The following DOK3 variants were observed in gnomAD, a reference collection of about 807,000 sequenced individuals.
DOK3 encodes Dok-like protein.
A neutral mutation model predicts 26.2 loss-of-function variants in DOK3; 23 were observed. That is an observed-to-expected ratio of 0.88 (90% CI 0.63 to 1.24). The LOEUF is 1.24. DOK3 is among the 50% of genes most tolerant of loss of function. The probability of loss-of-function intolerance (pLI) is 0.00; values close to 1 mark genes in which losing one functional copy is unlikely to be tolerated. For missense variants in DOK3, 619 were observed against 610.6 expected (o/e 1.01, Z -0.15); for synonymous variants, 268 against 268.2 (o/e 1.00, Z 0.01).
chr5:177,503,881 G>C lies in DOK3; in HGVS notation c.*102C>G. ...TGCCTTGTTCCTGCAGGCCAGGGTG[G>C]ACACAGGCGTGTGTCTGCATGGGCC... On this transcript the variant is annotated 3_prime_UTR_variant, in exon 6 of 6. Coordinates refer to ENST00000510898, the MANE Select transcript of DOK3 (RefSeq NM_001308236.3). 1.4e-6 allele frequency: 2 copies of C among 1,442,318 alleles called. No homozygotes were observed. Among genetic ancestry groups the C allele is most frequent in the Non-Finnish European group, 1.8e-6 (2 of 1,102,148 alleles). 89.3% of individuals were successfully genotyped at this position (1,442,318 alleles called of 1,614,324 possible). A position where few individuals can be genotyped will look rare whatever the true frequency, so the allele number is the denominator to read the frequency against.
At chr5:177,509,871 C>T (rs181723959), upstream of DOK3, 1,367 of 1,609,000 alleles carry the variant, frequency 8.5e-4, 7 homozygotes, top group African/African-American at 0.016. Flanking sequence ...GCCCCTCCCC[C>T]GTCCCGCCCC....
At chr5:177,509,848 G>C (rs375466054), upstream of DOK3, 1 of 1,610,728 alleles carries the variant, frequency 6.2e-7, no homozygotes, top group Non-Finnish European at 8.5e-7. Context: ...GGCTCCCCGA[G>C]TCATGAGTTC....
At chr5:177,509,228 G>C (rs868526350) in intron 2 of DOK3, 1 of 474,614 alleles carries the variant, frequency 2.1e-6, no homozygotes, top group East Asian at 3.9e-5. Flanking sequence ...TTGAGCCTTC[G>C]ACCCTCTCCC....
upstream of DOK3, chr5:177,510,958 G>A (rs373389284): frequency 2.6e-5 from 4 of 152,236 alleles, no homozygotes; most frequent in South Asian, 2.1e-4. Context: ...ATCTGCTAGC[G>A]GTCTTGTGAC....
chr5:177,503,876 G>C lies in DOK3; in HGVS notation c.*107C>G. Reference sequence around the variant, plus strand: ...CGGCCTGCCTTGTTCCTGCAGGCCAGGGTGGACACAGGCGTGTGTCTGCAT... The same window carrying C: ...CGGCCTGCCTTGTTCCTGCAGGCCACGGTGGACACAGGCGTGTGTCTGCAT... On this transcript the variant is annotated 3_prime_UTR_variant, in exon 6 of 6. Coordinates refer to ENST00000510898, the MANE Select transcript of DOK3 (RefSeq NM_001308236.3). The C allele has an allele frequency of 1.4e-6, 2 of 1,441,328 alleles. No homozygotes were observed. The highest frequency in any genetic ancestry group is 1.8e-6 in the Non-Finnish European group (2 of 1,101,878). The allele number at this position is 1,441,328 out of a possible 1,614,324, so 89.3% of individuals were successfully genotyped here.
At chr5:177,508,031 C>T (rs2127430417) in intron 3 of DOK3, among the ~76,000 whole-genome samples, 1 of 152,366 alleles carries the variant, frequency 6.6e-6, no homozygotes, top group East Asian at 1.9e-4. Flanking sequence ...GGCCACCCTG[C>T]CCGTCGCTCC....
chr5:177,504,133 A>G lies in DOK3; in HGVS notation c.1173T>C (p.Ser391=). 6.2e-7 allele frequency: 1 copy of G among 1,613,784 alleles called. No homozygotes were observed. The highest frequency in any genetic ancestry group is 8.5e-7 in the Non-Finnish European group (1 of 1,179,854). The change falls in exon 6 of 6, where the codon AGT becomes AGC. Residue 391 remains serine, a synonymous_variant. Coordinates refer to ENST00000510898, the MANE Select transcript of DOK3 (RefSeq NM_001308236.3). ...DLSWPGPAND[S]TLEAQYRRLL... ...GCCGCCGGTACTGGGCCTCCAGGGT[A>G]CTGTCGTTGGCCGGGCCGGGCCAGC...
chr5:177,504,096 C>A lies in DOK3; in HGVS notation c.1210G>T (p.Asp404Tyr), dbSNP rs968711062. Residue 404 changes from aspartate (D) to tyrosine (Y), a missense_variant, in exon 6 of 6, where the codon GAT becomes TAT. Physicochemically the swap from Asp to Tyr is radical, Grantham distance 160. Transcript: ENST00000510898. ...GGGCGGCCTGTGCCCTCCACCTGAT[C>A]CAGCTCCAGCAGCCGCCGGTACTGG... ...EAQYRRLLEL[D>Y]QVEGTGRPDP... 6.2e-7 allele frequency: 1 copy of A among 1,612,578 alleles called. No homozygotes were observed. The highest frequency in any genetic ancestry group is 8.5e-7 in the Non-Finnish European group (1 of 1,179,492).
In DOK3 at chr5:177,503,692, C is replaced by A. The variant is rs572004585; in HGVS notation, c.*291G>T. 9 of 1,397,716 alleles carry A rather than the reference C, an allele frequency of 6.4e-6. No homozygotes were observed. Among genetic ancestry groups the A allele is most frequent in the Admixed American group, 3.2e-5 (1 of 31,566 alleles). 86.6% of individuals were successfully genotyped at this position (1,397,716 alleles called of 1,614,324 possible). A position where few individuals can be genotyped will look rare whatever the true frequency, so the allele number is the denominator to read the frequency against. On this transcript the variant is annotated 3_prime_UTR_variant, in exon 6 of 6. Transcript: ENST00000510898. Reference sequence around the variant, plus strand: ...GCAGGTAAGGCCCAGGTCACCTGTGCCCCTGGAACCGGCACAGGGTGCTTG... The same window carrying A: ...GCAGGTAAGGCCCAGGTCACCTGTGACCCTGGAACCGGCACAGGGTGCTTG...
At chr5:177,506,260 G>A (rs1760141807) in intron 3 of DOK3, among the ~76,000 whole-genome samples, 1 of 150,918 alleles carries the variant, frequency 6.6e-6, no homozygotes. Context: ...AACCTCAACT[G>A]CCTTTTGTTT....
chr5:177,509,266 G>A (rs916819567), intron 2 of DOK3: 8 of 557,610 alleles, frequency 1.4e-5, no homozygotes, highest in Non-Finnish European at 2.1e-5. Context: ...CTCTCCCGGA[G>A]GCAGGGTCTG....
In DOK3 at chr5:177,502,532, G is replaced by GA. The variant is rs1273316676; in HGVS notation, c.*1450dup. The GA allele has an allele frequency of 3.2e-5, 5 of 156,200 alleles. No homozygotes were observed. Among genetic ancestry groups the GA allele is most frequent in the African/African-American group, 1.2e-4 (5 of 41,486 alleles). 9.7% of individuals were successfully genotyped at this position (156,200 alleles called of 1,614,324 possible). A position where few individuals can be genotyped will look rare whatever the true frequency, so the allele number is the denominator to read the frequency against. On this transcript the variant is annotated 3_prime_UTR_variant, in exon 6 of 6. Coordinates refer to ENST00000510898, the MANE Select transcript of DOK3 (RefSeq NM_001308236.3). ...GACACTGTTTCTACTGTAGGGGTAG[G>GA]AAGAAGACAGATGGATGCCAGTACA...
chr5:177,507,245 A>G (rs1760316214), intron 3 of DOK3, among the ~76,000 whole-genome samples: 1 of 149,562 alleles, frequency 6.7e-6, no homozygotes, highest in Non-Finnish European at 1.5e-5. Flanking sequence ...TTGAATTCCT[A>G]GGCTCAAGCA....
Position 177,504,245 on chromosome 5 carries a change from A to G in DOK3, c.1061T>C (p.Leu354Pro), listed in dbSNP as rs759609125. ...NLCVLEASPT[L>P]HGGEPEPHEG... is the part of the protein sequence containing the mutation. ...GTGCGGCTCAGGTTCCCCACCGTGCAGCGTGGGGCTGGCCTCCAGCACACA... is the reference window on the plus strand; with the variant it reads ...GTGCGGCTCAGGTTCCCCACCGTGCGGCGTGGGGCTGGCCTCCAGCACACA... The change falls in exon 6 of 6, where the codon CTG becomes CCG. Residue 354 changes from leucine to proline, a missense_variant. Leu to Pro is a moderately conservative substitution (Grantham distance 98). Transcript: ENST00000510898. The G allele has an allele frequency of 6.2e-7, 1 of 1,611,178 alleles. No homozygotes were observed. The highest frequency in any genetic ancestry group is 8.5e-7 in the Non-Finnish European group (1 of 1,178,734).
At chr5:177,504,989 C>T (rs978953074) in intron 4 of DOK3, 22 bp downstream of exon 4, 2 of 1,596,680 alleles carry the variant, frequency 1.3e-6, no homozygotes, top group Non-Finnish European at 8.5e-7. Context: ...CTGAGGCTGC[C>T]CTTGCACGTC....
Position 177,503,972 on chromosome 5 carries a change from C to T in DOK3, c.*11G>A, listed in dbSNP as rs761119135. The T allele has an allele frequency of 3.3e-6, 5 of 1,533,064 alleles. No homozygotes were observed. In the East Asian group the frequency reaches 9.8e-5, roughly 30 times the overall value. 95.0% of individuals were successfully genotyped at this position (1,533,064 alleles called of 1,614,324 possible). A position where few individuals can be genotyped will look rare whatever the true frequency, so the allele number is the denominator to read the frequency against. ...GCACCTCTCCCCTCTGGCCACCACTCTGCTGGGCGTTCAGGGCCGGTCACA... is the reference window on the plus strand; with the variant it reads ...GCACCTCTCCCCTCTGGCCACCACTTTGCTGGGCGTTCAGGGCCGGTCACA... On this transcript the variant is annotated 3_prime_UTR_variant, in exon 6 of 6. Transcript: ENST00000510898.
rs61749658 is a variant in DOK3 at position 177,508,546 on chromosome 5, C to T, written c.67-4G>A. ...CCCACACCTTCCGCCAGCACTTCTGCGGGAGGGGAGCGGGAGGGTGAAGAC... is the reference window on the plus strand; with the variant it reads ...CCCACACCTTCCGCCAGCACTTCTGTGGGAGGGGAGCGGGAGGGTGAAGAC... On this transcript the variant is annotated splice_region_variant and splice_polypyrimidine_tract_variant and intron_variant, in intron 2 of 5. Coordinates refer to ENST00000510898, the MANE Select transcript of DOK3 (RefSeq NM_001308236.3). The T allele has an allele frequency of 0.014, 20,888 of 1,530,548 alleles. 167 individuals are homozygous for T. Among genetic ancestry groups the T allele is most frequent in the Non-Finnish European group, 0.016 (17,561 of 1,128,212 alleles). 94.8% of individuals were successfully genotyped at this position (1,530,548 alleles called of 1,614,324 possible). A position where few individuals can be genotyped will look rare whatever the true frequency, so the allele number is the denominator to read the frequency against.
At position 177,504,456 on chromosome 5, in the gene DOK3, G is replaced by C. The variant is rs1759767859; in HGVS notation, c.850C>G (p.Leu284Val). Residue 284 changes from leucine to valine, a missense_variant, in exon 6 of 6, where the codon CTT (leucine) becomes GTT (valine). Physicochemically the swap from Leu to Val is conservative, Grantham distance 32. Transcript: ENST00000510898. ...TCAGGTCCTGGTGGCATCTCCCGAA[G>C]CTCTCCGGGGGTGTCCAGGGAGGGC... is the stretch of plus-strand genomic sequence containing the variant. ...SLPSLDTPGE[L>V]REMPPGPEPP... 6.3e-7 allele frequency: 1 copy of C among 1,578,500 alleles called. No individual in the cohort carries two copies. The highest frequency in any genetic ancestry group is 8.6e-7 in the Non-Finnish European group (1 of 1,163,300).
Position 177,503,731 on chromosome 5 carries a change from G to A in DOK3, c.*252C>T, listed in dbSNP as rs1447511352. Reference sequence around the variant, plus strand: ...ACAGGGTGCTTGTGTTGGCCGCAATGAACGTGGGCAGGGGCGTGTGCCGTG... The same window carrying A: ...ACAGGGTGCTTGTGTTGGCCGCAATAAACGTGGGCAGGGGCGTGTGCCGTG... On this transcript the variant is annotated 3_prime_UTR_variant, in exon 6 of 6. Transcript: ENST00000510898. The A allele has an allele frequency of 1.4e-6, 2 of 1,409,582 alleles. No homozygotes were observed. Among genetic ancestry groups the A allele is most frequent in the Non-Finnish European group, 9.2e-7 (1 of 1,087,070 alleles). The allele number at this position is 1,409,582 out of a possible 1,614,324, so 87.3% of individuals were successfully genotyped here. A position where few individuals can be genotyped will look rare whatever the true frequency, so the allele number is the denominator to read the frequency against.
Sources: gnomAD v4.1 joint callset for allele counts (sites outside exome capture counted in the v4.1 genomes callset) on GRCh38, gnomAD v4.1.1 for gene constraint, MANE v1.5 for transcripts, NCBI Gene and HGNC (gene_info 2026-07-23, HGNC 2026-07-21) for gene names.